GLP2R: variants seen among roughly 807,000 people sequenced by gnomAD.
The protein encoded by GLP2R is glucagon like peptide 2 receptor.
In GLP2R, 59 loss-of-function variants were observed where a neutral mutation model predicts 68.2. The observed-to-expected ratio is 0.87, with a 90% CI of 0.70 to 1.07. GLP2R has a LOEUF of 1.07. GLP2R is among the 50% of genes least tolerant of loss of function. The probability of loss-of-function intolerance (pLI) is 0.00; values close to 1 mark genes in which losing one functional copy is unlikely to be tolerated. For missense variants in GLP2R, 548 were observed against 677.4 expected, an observed-to-expected ratio of 0.81 and a Z score of 2.12; for synonymous variants, 270 against 265.4, an observed-to-expected ratio of 1.02 and a Z score of -0.17.
intron 1 of GLP2R, among the ~76,000 whole-genome samples, chr17:9,827,374 T>C (rs1220464871): frequency 2.0e-5 from 3 of 152,212 alleles, no homozygotes; most frequent in African/African-American, 7.2e-5. Flanking sequence ...TGAGGTTCTC[T>C]TGTTAATCCC....
intron 4 of GLP2R, 103 bp downstream of exon 4, chr17:9,842,719 C>A: frequency 8.2e-7 from 1 of 1,224,606 alleles, no homozygotes; most frequent in Non-Finnish European, 1.2e-6. Context: ...AAAGAGGCTT[C>A]TCCAGCGCCT....
intron 1 of GLP2R, among the ~76,000 whole-genome samples, chr17:9,828,431 C>G (rs1273730508): frequency 6.6e-6 from 1 of 152,182 alleles, no homozygotes; most frequent in Non-Finnish European, 1.5e-5. Context: ...GTGAGTGTAT[C>G]CAGCTTATCA....
chr17:9,866,306 G>A (rs1490347124), intron 9 of GLP2R: 1 of 180,162 alleles, frequency 5.6e-6, no homozygotes, highest in African/African-American at 2.4e-5. Flanking sequence ...TGACCCCTGG[G>A]GACATTTGGC....
rs1216097203 is a variant in GLP2R, at chr17:9,891,181, A to G, written c.*1476A>G. Reference sequence around the variant, plus strand: ...AATTTCAGACAAATAGTCTTCTTGTATAAGTATATCCCATGGGCATATTTA... The same window carrying G: ...AATTTCAGACAAATAGTCTTCTTGTGTAAGTATATCCCATGGGCATATTTA... On this transcript the variant is annotated 3_prime_UTR_variant, in exon 13 of 13. Coordinates refer to ENST00000262441, the MANE Select transcript of GLP2R (RefSeq NM_004246.3). 2.0e-5 allele frequency: 3 copies of G among 152,212 alleles called. No homozygotes were observed. Among genetic ancestry groups the G allele is most frequent in the Admixed American group, 2.0e-4 (3 of 15,288 alleles). 9.4% of individuals were successfully genotyped at this position (152,212 alleles called of 1,614,324 possible). A position where few individuals can be genotyped will look rare whatever the true frequency, so the allele number is the denominator to read the frequency against.
At position 9,889,404 on chromosome 17, in the gene GLP2R, T is replaced by A; in HGVS notation, c.1361T>A (p.Phe454Tyr). The A allele has an allele frequency of 6.2e-7, 1 of 1,614,084 alleles. No homozygotes were observed. The highest frequency in any genetic ancestry group is 8.5e-7 in the Non-Finnish European group (1 of 1,179,938). The change falls in exon 13 of 13, where the codon TTC (phenylalanine) becomes TAC (tyrosine). Residue 454 changes from phenylalanine (F) to tyrosine (Y), a missense_variant. Phe to Tyr is a conservative substitution (Grantham distance 22). Coordinates refer to ENST00000262441, the MANE Select transcript of GLP2R (RefSeq NM_004246.3). Reference sequence around the variant, plus strand: ...GAGCTGCGGAAATACTGGGTCCGCTTCTTGCTAGCCCGCCACTCAGGCTGC... The same window carrying A: ...GAGCTGCGGAAATACTGGGTCCGCTACTTGCTAGCCCGCCACTCAGGCTGC... The part of the protein sequence containing the change: ...KAELRKYWVR[F>Y]LLARHSGCRA...
At chr17:9,848,495 G>C (rs1401368532) in intron 4 of GLP2R, among the ~76,000 whole-genome samples, 4 of 152,174 alleles carry the variant, frequency 2.6e-5, no homozygotes, top group Non-Finnish European at 4.4e-5. Flanking sequence ...CCAAGGTTGA[G>C]AACCACAAGT....
At chr17:9,865,292 T>C (rs779420305) in intron 9 of GLP2R, among the ~76,000 whole-genome samples, 25 of 149,262 alleles carry the variant, frequency 1.7e-4, no homozygotes, top group Admixed American at 1.6e-3. Context: ...TGGTCTCTGC[T>C]CTTCTTTAGC....
chr17:9,877,751 C>G (rs1393375980), intron 10 of GLP2R, among the ~76,000 whole-genome samples: 1 of 151,766 alleles, frequency 6.6e-6, no homozygotes, highest in Non-Finnish European at 1.5e-5. Flanking sequence ...GTGGCGGGCG[C>G]CTGTATTCCC....
intron 2 of GLP2R, 107 bp from the exon 3 acceptor site, chr17:9,836,264 C>A: frequency 1.3e-6 from 1 of 752,010 alleles, no homozygotes; most frequent in Non-Finnish European, 2.4e-6. Context: ...ACAGGTTACA[C>A]CAGCTTCCAG....
At chr17:9,844,805 C>G (rs925441556) in intron 4 of GLP2R, among the ~76,000 whole-genome samples, 4 of 149,076 alleles carry the variant, frequency 2.7e-5, no homozygotes, top group African/African-American at 7.4e-5. Context: ...ATTCTCCTGC[C>G]TCAGCCTCCC....
intron 11 of GLP2R, among the ~76,000 whole-genome samples, chr17:9,886,976 C>T (rs1196141338): frequency 6.6e-6 from 1 of 152,158 alleles, no homozygotes; most frequent in African/African-American, 2.4e-5. Context: ...TTCCACAGAC[C>T]CTTACATCAA....
At chr17:9,845,875 G>A (rs2152035176) in intron 4 of GLP2R, among the ~76,000 whole-genome samples, 1 of 152,160 alleles carries the variant, frequency 6.6e-6, no homozygotes, top group Middle Eastern at 3.4e-3. Context: ...TATAAATCTA[G>A]TAAGTTAGTC....
chr17:9,883,521 A>G (rs946853088), intron 11 of GLP2R, among the ~76,000 whole-genome samples: 2 of 152,242 alleles, frequency 1.3e-5, no homozygotes, highest in East Asian at 3.8e-4. Context: ...ATGAACTCCA[A>G]AAAGCATAAA....
intron 11 of GLP2R, among the ~76,000 whole-genome samples, chr17:9,882,242 A>T (rs566012349): frequency 6.6e-4 from 101 of 151,982 alleles, no homozygotes; most frequent in Non-Finnish European, 1.4e-3. Context: ...GAGCAGAAAA[A>T]CTCTCATCCT....
chr17:9,830,606 G>A (rs1272255890), intron 1 of GLP2R, among the ~76,000 whole-genome samples: 1 of 152,198 alleles, frequency 6.6e-6, no homozygotes, highest in Non-Finnish European at 1.5e-5. Context: ...TTCTCAAACT[G>A]TGTGCTTGTA....
rs35526930 is a variant in GLP2R, at chr17:9,881,378, C to CTTTTTTT, written c.1284+876_1284+882dup. Among the ~76,000 whole-genome samples the CTTTTTTT allele has an allele frequency of 2.4e-3, 233 of 95,650 alleles. 11 individuals carry two copies. The highest frequency in any genetic ancestry group is 4.1e-3 in the Non-Finnish European group (208 of 51,228). The allele number at this position is 95,650 out of a possible 152,430, so 62.8% of individuals were successfully genotyped here. A position where few individuals can be genotyped will look rare whatever the true frequency, so the allele number is the denominator to read the frequency against. On this transcript the variant is annotated intron_variant, in intron 11 of 12. Coordinates refer to ENST00000262441, the MANE Select transcript of GLP2R (RefSeq NM_004246.3). The stretch of plus-strand genomic sequence containing the variant: ...AGTATAAAAGCAGGAGCTGTCAGGC[C>CTTTTTTT]TTTTTTTTTTTTTTTTTTTTGAGAC...
chr17:9,863,721 C>T (rs775911060), intron 9 of GLP2R, among the ~76,000 whole-genome samples: 13 of 152,136 alleles, frequency 8.5e-5, no homozygotes, highest in Non-Finnish European at 1.6e-4. Context: ...GCTCACCTCA[C>T]GAAGTGAAAA....
At chr17:9,877,541 C>A (rs2067151734) in intron 10 of GLP2R, among the ~76,000 whole-genome samples, 1 of 152,176 alleles carries the variant, frequency 6.6e-6, no homozygotes, top group Non-Finnish European at 1.5e-5. Flanking sequence ...TAGTAATATA[C>A]CGTGTTGGTT....
intron 9 of GLP2R, among the ~76,000 whole-genome samples, chr17:9,862,751 G>A (rs2066998200): frequency 6.6e-6 from 1 of 152,196 alleles, no homozygotes; most frequent in South Asian, 2.1e-4. Context: ...CCCAGAGGGA[G>A]GCGGAAAGTA....
Sources: gnomAD v4.1 joint callset for allele counts (sites outside exome capture counted in the v4.1 genomes callset) on GRCh38, gnomAD v4.1.1 for gene constraint, MANE v1.5 for transcripts, NCBI Gene and HGNC (gene_info 2026-07-23, HGNC 2026-07-21) for gene names.